Variants in HNF4G observed in about 807,000 individuals in gnomAD.
The protein encoded by HNF4G is hepatocyte nuclear factor 4-gamma.
HNF4G carries 21 observed loss-of-function variants against 50.9 expected under a neutral mutation model. The ratio of observed to expected loss-of-function variants is 0.41; its 90% CI spans 0.29 to 0.59. The LOEUF (loss-of-function observed/expected upper bound fraction) is 0.59. Ranked by LOEUF, HNF4G falls within the 20% of genes least tolerant of loss-of-function variation. The pLI, the probability that HNF4G is intolerant of heterozygous loss-of-function variation, is 0.26. For missense variants in HNF4G, 527 were observed against 559.4 expected (o/e 0.94, Z 0.58); for synonymous variants, 198 against 185.6 (o/e 1.07, Z -0.54).
At chr8:75,548,130 G>A (rs1314615937) in intron 3 of HNF4G, among the ~76,000 whole-genome samples, 1 of 151,622 alleles carries the variant, frequency 6.6e-6, no homozygotes, top group East Asian at 1.9e-4. Context: ...GACTACAGGT[G>A]CGCATCATCA....
At chr8:75,461,083 C>T (rs1228401515) in intron 1 of HNF4G, among the ~76,000 whole-genome samples, 2 of 152,160 alleles carry the variant, frequency 1.3e-5, no homozygotes, top group East Asian at 3.9e-4. Flanking sequence ...ACAGCAGGGA[C>T]AAGATGTAAG....
intron 1 of HNF4G, among the ~76,000 whole-genome samples, chr8:75,480,711 CTTTTTCTTTCTT>C (rs1457106454): frequency 2.0e-5 from 2 of 98,760 alleles, no homozygotes; most frequent in Non-Finnish European, 4.1e-5. Flanking sequence ...ATTTCTTTTT[CTTTTTCTTTCTT>C]TTTTTTTTTT....
chr8:75,430,167 T>C (rs978689868), intron 1 of HNF4G, among the ~76,000 whole-genome samples: 1 of 150,330 alleles, frequency 6.7e-6, no homozygotes, highest in Non-Finnish European at 1.5e-5. Flanking sequence ...AAAAAAAAAA[T>C]TAATTGCATA....
chr8:75,477,633 A>G (rs1383942172), intron 1 of HNF4G, among the ~76,000 whole-genome samples: 1 of 151,866 alleles, frequency 6.6e-6, no homozygotes, highest in Admixed American at 6.6e-5. Flanking sequence ...TCTTTGTATT[A>G]CTATTTGCAC....
intron 2 of HNF4G, among the ~76,000 whole-genome samples, chr8:75,514,104 T>C (rs887789594): frequency 3.3e-5 from 5 of 151,878 alleles, no homozygotes; most frequent in African/African-American, 1.2e-4. Flanking sequence ...ATTCTTCCTT[T>C]ATATATTTCT....
intron 1 of HNF4G, among the ~76,000 whole-genome samples, chr8:75,423,555 A>G (rs1563500251): frequency 2.7e-5 from 4 of 150,706 alleles, no homozygotes; most frequent in Admixed American, 1.3e-4. Flanking sequence ...CGCCTGGCTA[A>G]TTTTTTTTGT....
rs554884968 is a variant in HNF4G at position 75,491,481 on chromosome 8, C to CT, written c.-24+1284dup. Reference sequence around the variant, plus strand: ...ACTATAATTCTTTTTCTTTTCTTTCCTTTTTTTTTTTAAGACAGGATCTGG... The same window carrying CT: ...ACTATAATTCTTTTTCTTTTCTTTCCTTTTTTTTTTTTAAGACAGGATCTGG... On this transcript the variant is annotated intron_variant, in intron 2 of 10. Coordinates refer to the HNF4G transcript ENST00000354370. Among the ~76,000 whole-genome samples the CT allele has an allele frequency of 7.4e-3, 1,073 of 144,428 alleles. 9 individuals are homozygous for CT. Among genetic ancestry groups the CT allele is most frequent in the African/African-American group, 0.024 (950 of 39,652 alleles). 94.8% of individuals were successfully genotyped at this position (144,428 alleles called of 152,430 possible).
chr8:75,444,255 C>A (rs1245156211), intron 1 of HNF4G, among the ~76,000 whole-genome samples: 6 of 151,758 alleles, frequency 4.0e-5, no homozygotes, highest in African/African-American at 1.5e-4. Context: ...ACCAAGCCTG[C>A]CCTAAAAGAG....
At chr8:75,544,069 T>A in intron 2 of HNF4G, 90 bp downstream of exon 2, 2 of 1,153,426 alleles carry the variant, frequency 1.7e-6, no homozygotes, top group Middle Eastern at 2.4e-4. Flanking sequence ...AGAGTTTTCG[T>A]ATATCTGTAA....
intron 1 of HNF4G, among the ~76,000 whole-genome samples, chr8:75,419,744 C>T (rs940501825): frequency 1.3e-5 from 2 of 152,208 alleles, no homozygotes; most frequent in African/African-American, 2.4e-5. Context: ...GTGCTCACTC[C>T]AGTGCGTCTG....
intron 1 of HNF4G, among the ~76,000 whole-genome samples, chr8:75,426,266 G>A (rs1333231968): frequency 6.6e-6 from 1 of 152,126 alleles, no homozygotes; most frequent in Non-Finnish European, 1.5e-5. Context: ...TTTCGCTCAT[G>A]CCATTTTGTC....
At chr8:75,546,505 C>A (rs533837253) in intron 2 of HNF4G, among the ~76,000 whole-genome samples, 1 of 152,118 alleles carries the variant, frequency 6.6e-6, no homozygotes, top group East Asian at 1.9e-4. Flanking sequence ...GTAGTTACTC[C>A]CCCATTTCCT....
At chr8:75,524,580 G>A (rs1003730603) in intron 2 of HNF4G, among the ~76,000 whole-genome samples, 5 of 152,110 alleles carry the variant, frequency 3.3e-5, no homozygotes, top group Admixed American at 1.3e-4. Flanking sequence ...TATAAAATAA[G>A]TATTTTAAGA....
chr8:75,454,361 A>G (rs569614185), intron 1 of HNF4G, among the ~76,000 whole-genome samples: 1 of 152,310 alleles, frequency 6.6e-6, no homozygotes, highest in South Asian at 2.1e-4. Flanking sequence ...GTTAAATGAG[A>G]TAAGTATAAA....
intron 1 of HNF4G, among the ~76,000 whole-genome samples, chr8:75,442,918 A>C (rs1420906044): frequency 6.6e-6 from 1 of 152,182 alleles, no homozygotes; most frequent in Non-Finnish European, 1.5e-5. Flanking sequence ...GAGCACAGGA[A>C]TGCTCAATCT....
At chr8:75,544,645 C>A (rs1220066389) in intron 2 of HNF4G, among the ~76,000 whole-genome samples, 1 of 97,112 alleles carries the variant, frequency 1.0e-5, no homozygotes, top group Non-Finnish European at 2.0e-5. Flanking sequence ...AGGCTGTTTT[C>A]TTGGGTTTTT....
At chr8:75,450,142 A>G (rs1811552358) in intron 1 of HNF4G, among the ~76,000 whole-genome samples, 2 of 152,190 alleles carry the variant, frequency 1.3e-5, no homozygotes, top group African/African-American at 2.4e-5. Context: ...TTCACTTAAC[A>G]CAATGTCCTC....
intron 1 of HNF4G, among the ~76,000 whole-genome samples, chr8:75,469,268 A>G (rs1211391809): frequency 6.6e-6 from 1 of 152,120 alleles, no homozygotes; most frequent in Non-Finnish European, 1.5e-5. Flanking sequence ...GGCAAGCCCA[A>G]CCTTAGTGGG....
intron 1 of HNF4G, among the ~76,000 whole-genome samples, chr8:75,466,628 C>CG (rs1811989881): frequency 2.6e-4 from 18 of 70,104 alleles, no homozygotes; most frequent in South Asian, 5.4e-4. Context: ...TTCCTTCCTT[C>CG]CTTCCTTCTC....
Sources: gnomAD v4.1 joint callset for allele counts (sites outside exome capture counted in the v4.1 genomes callset) on GRCh38, gnomAD v4.1.1 for gene constraint, MANE v1.5 for transcripts, NCBI Gene and HGNC (gene_info 2026-07-23, HGNC 2026-07-21) for gene names.